Variants in GRM5 observed in about 807,000 individuals in gnomAD.
GRM5 encodes metabotropic glutamate receptor 5.
A neutral mutation model predicts 83.1 loss-of-function variants in GRM5; 19 were observed. That is an observed-to-expected ratio of 0.23 (90% CI 0.16 to 0.34). The LOEUF is 0.34. Among genes scored for constraint, GRM5 ranks in the 10% least tolerant of loss-of-function variants. The pLI is 1.00. For synonymous variants in GRM5, 675 were observed against 633.6 expected, an observed-to-expected ratio of 1.07 and a Z score of -0.98; for missense variants, 1,160 against 1,588.3, an observed-to-expected ratio of 0.73 and a Z score of 4.58.
chr11:89,005,048 C>T (rs1165515274), intron 2 of GRM5, among the ~76,000 whole-genome samples: 1 of 152,184 alleles, frequency 6.6e-6, no homozygotes, highest in African/African-American at 2.4e-5. Flanking sequence ...AGGCTTAGGA[C>T]ATTACTGACT....
At chr11:88,966,820 A>G (rs1938983125) in intron 2 of GRM5, among the ~76,000 whole-genome samples, 1 of 152,124 alleles carries the variant, frequency 6.6e-6, no homozygotes, top group Non-Finnish European at 1.5e-5. Context: ...TTGGCTGACC[A>G]AGGCGCATAC....
chr11:88,699,249 C>T (rs1940971957), intron 3 of GRM5, among the ~76,000 whole-genome samples: 1 of 152,116 alleles, frequency 6.6e-6, no homozygotes, highest in Non-Finnish European at 1.5e-5. Context: ...GAGACAGAGG[C>T]TTTGAACCTA....
At chr11:88,631,517 T>C (rs1398597373) in intron 4 of GRM5, among the ~76,000 whole-genome samples, 2 of 152,230 alleles carry the variant, frequency 1.3e-5, no homozygotes, top group Non-Finnish European at 2.9e-5. Context: ...TCTTTACCTA[T>C]ATCATGCCAT....
intron 2 of GRM5, among the ~76,000 whole-genome samples, chr11:88,879,716 T>C (rs534604697): frequency 6.6e-6 from 1 of 152,112 alleles, no homozygotes; most frequent in Admixed American, 6.6e-5. Flanking sequence ...TTTACCTGTT[T>C]ATTTTATCTA....
At chr11:88,828,686 TG>T (rs1437994816) in intron 3 of GRM5, among the ~76,000 whole-genome samples, 2 of 152,118 alleles carry the variant, frequency 1.3e-5, no homozygotes, top group Non-Finnish European at 2.9e-5. Flanking sequence ...GTATAAGGAT[TG>T]GAGATAAATT....
At chr11:88,664,286 T>C (rs1939982374) in intron 3 of GRM5, among the ~76,000 whole-genome samples, 1 of 151,148 alleles carries the variant, frequency 6.6e-6, no homozygotes, top group Non-Finnish European at 1.5e-5. Flanking sequence ...TCCATATCCC[T>C]GGGTTCTACA....
intron 4 of GRM5, among the ~76,000 whole-genome samples, chr11:88,625,320 A>T (rs536320658): frequency 2.6e-5 from 4 of 152,262 alleles, no homozygotes; most frequent in African/African-American, 7.2e-5. Context: ...ATGAGGAAAG[A>T]GAGAAAAGGC....
At chr11:88,681,896 C>CT (rs1008496531) in intron 3 of GRM5, among the ~76,000 whole-genome samples, 2 of 151,844 alleles carry the variant, frequency 1.3e-5, no homozygotes, top group Non-Finnish European at 2.9e-5. Context: ...GTTGTATACT[C>CT]TTTTCTTTTT....
chr11:88,540,551 C>G (rs1942243023), intron 8 of GRM5, among the ~76,000 whole-genome samples: 1 of 151,948 alleles, frequency 6.6e-6, no homozygotes, highest in African/African-American at 2.4e-5. Context: ...GAGAGAGAAG[C>G]AGTTCTGGAA....
chr11:88,543,073 A>G (rs1286950691), intron 8 of GRM5, among the ~76,000 whole-genome samples: 1 of 152,202 alleles, frequency 6.6e-6, no homozygotes, highest in African/African-American at 2.4e-5. Context: ...ATTTCAAAAA[A>G]GGTTAATAAC....
intron 3 of GRM5, among the ~76,000 whole-genome samples, chr11:88,847,774 T>C (rs138252794): frequency 0.012 from 1,754 of 152,298 alleles, 16 homozygotes; most frequent in Middle Eastern, 0.061. Context: ...ATAAATTTAG[T>C]ATTCCATGAA....
chr11:88,553,588 A>G (rs1189483602), intron 8 of GRM5, among the ~76,000 whole-genome samples: 1 of 152,154 alleles, frequency 6.6e-6, no homozygotes, highest in Non-Finnish European at 1.5e-5. Context: ...AGGCCACAGC[A>G]TAGGGGAAAA....
intron 3 of GRM5, among the ~76,000 whole-genome samples, chr11:88,666,750 C>T (rs1434547599): frequency 6.6e-6 from 1 of 152,174 alleles, no homozygotes; most frequent in Admixed American, 6.5e-5. Flanking sequence ...CACTATCAAG[C>T]TAGCTTAAAA....
intron 2 of GRM5, among the ~76,000 whole-genome samples, chr11:89,025,910 T>C (rs933329298): frequency 6.6e-6 from 1 of 152,160 alleles, no homozygotes. Flanking sequence ...CTATTCACAA[T>C]AGCAAAGACA....
chr11:88,679,514 T>C (rs1940422855), intron 3 of GRM5, among the ~76,000 whole-genome samples: 2 of 152,170 alleles, frequency 1.3e-5, no homozygotes, highest in South Asian at 4.1e-4. Flanking sequence ...AGTATGTATA[T>C]TCAATCTATC....
At chr11:88,827,201 A>G (rs544755841) in intron 3 of GRM5, among the ~76,000 whole-genome samples, 21 of 152,300 alleles carry the variant, frequency 1.4e-4, no homozygotes, top group Admixed American at 1.4e-3. Context: ...AATTTAATCA[A>G]TGTGCTAAGG....
At chr11:88,686,295 C>T (rs958513167) in intron 3 of GRM5, among the ~76,000 whole-genome samples, 3 of 152,104 alleles carry the variant, frequency 2.0e-5, no homozygotes, top group Admixed American at 2.0e-4. Context: ...TTGTTTTGGA[C>T]AATTTCTCCC....
intron 8 of GRM5, among the ~76,000 whole-genome samples, chr11:88,528,382 C>T (rs940151691): frequency 2.0e-5 from 3 of 151,930 alleles, no homozygotes; most frequent in African/African-American, 7.2e-5. Flanking sequence ...TTAAATAGAT[C>T]ATATTTTTAT....
chr11:88,665,018 G>C (rs1177148027), intron 3 of GRM5, among the ~76,000 whole-genome samples: 1 of 152,010 alleles, frequency 6.6e-6, no homozygotes, highest in Non-Finnish European at 1.5e-5. Flanking sequence ...ATTGCCCAGG[G>C]TTGCACAATA....
Sources: gnomAD v4.1 joint callset for allele counts (sites outside exome capture counted in the v4.1 genomes callset) on GRCh38, gnomAD v4.1.1 for gene constraint, MANE v1.5 for transcripts, NCBI Gene and HGNC (gene_info 2026-07-23, HGNC 2026-07-21) for gene names.